Variants in SGK3 observed in about 807,000 individuals in gnomAD.
SGK3 encodes serum/glucocorticoid regulated kinase family member 3, also known as serine/threonine-protein kinase Sgk3.
SGK3 carries 47 observed loss-of-function variants against 68.5 expected under a neutral mutation model. That is an observed-to-expected ratio of 0.69 (90% CI 0.54 to 0.87). The LOEUF is 0.87. Ranked by LOEUF, SGK3 falls within the 40% of genes least tolerant of loss-of-function variation. The probability of loss-of-function intolerance (pLI) is 0.00; values close to 1 mark genes in which losing one functional copy is unlikely to be tolerated. For missense variants in SGK3, 479 were observed against 575.5 expected, an observed-to-expected ratio of 0.83 and a Z score of 1.72; for synonymous variants, 181 against 189.1, an observed-to-expected ratio of 0.96 and a Z score of 0.35.
intron 1 of SGK3, among the ~76,000 whole-genome samples, chr8:66,714,882 G>C (rs908576963): frequency 6.6e-6 from 1 of 152,208 alleles, no homozygotes; most frequent in South Asian, 2.1e-4. Context: ...TGAATGGAGG[G>C]CAGGTGTGTG....
chr8:66,756,128 A>T (rs1182143959), intron 1 of SGK3, among the ~76,000 whole-genome samples: 1 of 152,102 alleles, frequency 6.6e-6, no homozygotes, highest in African/African-American at 2.4e-5. Flanking sequence ...GGAAATTTGG[A>T]CTTAGCTACG....
chr8:66,742,495 T>C (rs1805512144), intron 1 of SGK3, among the ~76,000 whole-genome samples: 2 of 152,006 alleles, frequency 1.3e-5, no homozygotes, highest in South Asian at 4.2e-4. Flanking sequence ...CCCTCCTGAA[T>C]AGCTGGGACT....
intron 1 of SGK3, among the ~76,000 whole-genome samples, chr8:66,759,000 G>A (rs1375671799): frequency 1.3e-5 from 2 of 152,076 alleles, no homozygotes; most frequent in African/African-American, 2.4e-5. Context: ...AGGAAACAAT[G>A]GGTTCCTTAT....
At chr8:66,848,320 G>A (rs1810121374) in intron 15 of SGK3, among the ~76,000 whole-genome samples, 2 of 152,158 alleles carry the variant, frequency 1.3e-5, no homozygotes, top group Admixed American at 6.5e-5. Flanking sequence ...CATATTGGAA[G>A]CACTGTGAAC....
At chr8:66,773,056 G>A (rs1034345567) in intron 1 of SGK3, among the ~76,000 whole-genome samples, 6 of 152,308 alleles carry the variant, frequency 3.9e-5, no homozygotes, top group East Asian at 1.9e-4. Flanking sequence ...AGTCAAGACC[G>A]GTAGCTAGGA....
At chr8:66,798,722 T>G (rs1218098650) in intron 3 of SGK3, 97 bp downstream of exon 3, 1 of 1,029,832 alleles carries the variant, frequency 9.7e-7, no homozygotes, top group Non-Finnish European at 1.4e-6. Context: ...GATACTCATA[T>G]GTTAATATGT....
At chr8:66,767,965 G>C (rs747398706) in intron 1 of SGK3, 3 of 879,494 alleles carry the variant, frequency 3.4e-6, no homozygotes, top group South Asian at 2.6e-5. Context: ...AAGGATGCCT[G>C]GTTCTTCGTT....
intron 6 of SGK3, 26 bp downstream of exon 6, chr8:66,822,485 A>AGAAAG: frequency 6.3e-7 from 1 of 1,597,790 alleles, no homozygotes; most frequent in Non-Finnish European, 8.5e-7. Flanking sequence ...GCCTTTCTTA[A>AGAAAG]TAGAAAAAAT....
chr8:66,736,091 G>T (rs979394851), intron 1 of SGK3, among the ~76,000 whole-genome samples: 1 of 152,152 alleles, frequency 6.6e-6, no homozygotes. Flanking sequence ...AAGAATGGGG[G>T]CTGTGGACTT....
intron 2 of SGK3, among the ~76,000 whole-genome samples, chr8:66,797,154 A>G (rs1159803051): frequency 6.6e-6 from 1 of 152,120 alleles, no homozygotes; most frequent in Non-Finnish European, 1.5e-5. Flanking sequence ...TCTTGGCTGT[A>G]TTTGGGTAGC....
chr8:66,729,735 T>TTATTTATATTTATTTATTTATTTA (rs149985419), intron 1 of SGK3, among the ~76,000 whole-genome samples: 1 of 150,908 alleles, frequency 6.6e-6, no homozygotes, highest in African/African-American at 2.5e-5. Flanking sequence ...ATTTATTTAT[T>TTATTTATATTTATTTATTTATTTA]TTTATTTATT....
intron 1 of SGK3, among the ~76,000 whole-genome samples, chr8:66,790,122 C>T (rs1807380067): frequency 6.6e-6 from 1 of 151,994 alleles, no homozygotes; most frequent in Non-Finnish European, 1.5e-5. Flanking sequence ...ATTAGTCTTC[C>T]TTGATCTAAG....
rs1201521588 is a variant in SGK3, at chr8:66,722,106, G to A, written c.-122+9273G>A. Among the ~76,000 whole-genome samples, 5 of 152,184 alleles carry A rather than the reference G, an allele frequency of 3.3e-5. No homozygotes were observed. The East Asian group carries it at 5.8e-4, about 18-fold the overall frequency. On this transcript the variant is annotated intron_variant, in intron 1 of 16. Coordinates refer to ENST00000521198, the MANE Select transcript of SGK3 (RefSeq NM_001033578.3). ...ACAAGAGTTAGGGATAGAGGATCAG[G>A]CCCTGGAAACTGACTGCATACCAAC...
At chr8:66,805,720 A>C (rs907006148) in intron 4 of SGK3, among the ~76,000 whole-genome samples, 1 of 152,166 alleles carries the variant, frequency 6.6e-6, no homozygotes, top group African/African-American at 2.4e-5. Flanking sequence ...CAGAAATTCT[A>C]TCAGAAAAGT....
At position 66,745,052 on chromosome 8, in the gene SGK3, G is replaced by A. The variant is rs764275741; in HGVS notation, c.-122+32219G>A. Among the ~76,000 whole-genome samples, 9 of 151,262 alleles carry A rather than the reference G, an allele frequency of 5.9e-5. No homozygotes were observed. In the East Asian group the frequency reaches 9.7e-4, roughly 16 times the overall value. On this transcript the variant is annotated intron_variant, in intron 1 of 16. Coordinates refer to ENST00000521198, the MANE Select transcript of SGK3 (RefSeq NM_001033578.3). ...TTTATTTTTTTAAAGTTTCTTGTTC[G>A]TGTTTCATACATATACCTTCTATCT... is the stretch of plus-strand genomic sequence containing the variant.
chr8:66,852,569 G>C (rs1300141535), intron 16 of SGK3, among the ~76,000 whole-genome samples: 4 of 152,122 alleles, frequency 2.6e-5, no homozygotes, highest in Non-Finnish European at 4.4e-5. Context: ...ATGAGCTACT[G>C]TGCCCGGCCA....
intron 2 of SGK3, among the ~76,000 whole-genome samples, chr8:66,794,160 C>A (rs1471720634): frequency 1.3e-5 from 2 of 152,186 alleles, no homozygotes; most frequent in Admixed American, 1.3e-4. Context: ...TTAATGGACT[C>A]CTGAAGTCAT....
intron 1 of SGK3, chr8:66,767,378 C>T: frequency 8.3e-7 from 1 of 1,200,470 alleles, no homozygotes. Flanking sequence ...TATACACAAA[C>T]TCTAAAGCAC....
chr8:66,725,867 C>T (rs1287914237), intron 1 of SGK3, among the ~76,000 whole-genome samples: 1 of 152,110 alleles, frequency 6.6e-6, no homozygotes, highest in Non-Finnish European at 1.5e-5. Flanking sequence ...ATTTTGCCAA[C>T]TGGATACTCA....
Sources: allele counts gnomAD v4.1 joint callset (sites outside exome capture counted in the v4.1 genomes callset), GRCh38; gene constraint gnomAD v4.1.1; transcripts MANE v1.5; gene names NCBI Gene and HGNC (gene_info 2026-07-23, HGNC 2026-07-21).